Variants in SLC16A12 observed in about 807,000 individuals in gnomAD.
SLC16A12 encodes solute carrier family 16 member 12.
Under a neutral mutation model 42.4 loss-of-function variants are expected in SLC16A12, and 17 were observed. The observed-to-expected ratio is 0.40, with a 90% CI of 0.27 to 0.60. The LOEUF is 0.60. Among genes scored for constraint, SLC16A12 ranks in the 20% least tolerant of loss-of-function variants. The pLI, the probability that SLC16A12 is intolerant of heterozygous loss-of-function variation, is 0.42. For missense variants in SLC16A12, 544 were observed against 623.0 expected (o/e 0.87, Z 1.35); for synonymous variants, 224 against 229.4 (o/e 0.98, Z 0.21).
intron 2 of SLC16A12, among the ~76,000 whole-genome samples, chr10:89,466,086 A>G (rs940957363): frequency 1.3e-5 from 2 of 152,176 alleles, no homozygotes. Context: ...AGTTATATGA[A>G]TTCAAGCAAA....
At chr10:89,463,877 G>T (rs1228026374) in intron 2 of SLC16A12, among the ~76,000 whole-genome samples, 6 of 152,154 alleles carry the variant, frequency 3.9e-5, no homozygotes, top group Non-Finnish European at 8.8e-5. Flanking sequence ...AGGCTCTAAG[G>T]TACCCCTATG....
At chr10:89,469,050 A>G (rs1384101753) in intron 2 of SLC16A12, among the ~76,000 whole-genome samples, 2 of 152,160 alleles carry the variant, frequency 1.3e-5, no homozygotes, top group Non-Finnish European at 2.9e-5. Context: ...AATCACTTGA[A>G]CCCAGAAGAC....
At chr10:89,515,707 G>A (rs1843239820) in intron 2 of SLC16A12, among the ~76,000 whole-genome samples, 1 of 152,046 alleles carries the variant, frequency 6.6e-6, no homozygotes, top group South Asian at 2.1e-4. Context: ...AGAAAACCAG[G>A]CTTGCAAGAG....
chr10:89,545,289 A>G (rs1843736287), intron 2 of SLC16A12, among the ~76,000 whole-genome samples: 1 of 152,222 alleles, frequency 6.6e-6, no homozygotes, highest in African/African-American at 2.4e-5. Context: ...GATGATTGTC[A>G]TGCAGCATTA....
chr10:89,476,066 G>C (rs141623447), intron 2 of SLC16A12, among the ~76,000 whole-genome samples: 1 of 152,102 alleles, frequency 6.6e-6, no homozygotes, highest in African/African-American at 2.4e-5. Context: ...GCATAAAGTC[G>C]GTGCTCAATA....
chr10:89,543,908 A>G (rs1393493589), intron 2 of SLC16A12, among the ~76,000 whole-genome samples: 1 of 152,252 alleles, frequency 6.6e-6, no homozygotes, highest in Non-Finnish European at 1.5e-5. Context: ...ATGTGTCAGC[A>G]GAAAATACAA....
At chr10:89,482,820 A>T in intron 2 of SLC16A12, among the ~76,000 whole-genome samples, 1 of 152,088 alleles carries the variant, frequency 6.6e-6, no homozygotes, top group East Asian at 1.9e-4. Context: ...TAGACCAAGA[A>T]AAAAGAAGAA....
At chr10:89,459,538 A>ATG (rs887171863) in intron 3 of SLC16A12, among the ~76,000 whole-genome samples, 8 of 90,116 alleles carry the variant, frequency 8.9e-5, no homozygotes, top group East Asian at 3.2e-4. Context: ...GTGTGTGTGT[A>ATG]TGTGTGTGTG....
intron 7 of SLC16A12, among the ~76,000 whole-genome samples, chr10:89,433,607 C>T (rs767968511): frequency 2.6e-5 from 4 of 152,064 alleles, no homozygotes; most frequent in South Asian, 2.1e-4. Flanking sequence ...ACTATTAACC[C>T]CATGAAATCT....
At chr10:89,490,419 C>G (rs919123909) in intron 2 of SLC16A12, among the ~76,000 whole-genome samples, 1 of 152,172 alleles carries the variant, frequency 6.6e-6, no homozygotes, top group Non-Finnish European at 1.5e-5. Flanking sequence ...AGATACCAGT[C>G]ACAAGTCTGG....
chr10:89,468,360 T>C (rs1842439538), intron 2 of SLC16A12, among the ~76,000 whole-genome samples: 1 of 152,246 alleles, frequency 6.6e-6, no homozygotes, highest in South Asian at 2.1e-4. Flanking sequence ...TTTCTCTCTT[T>C]CTCAATGGTG....
At chr10:89,443,290 G>T (rs1366172967) in intron 4 of SLC16A12, among the ~76,000 whole-genome samples, 1 of 152,278 alleles carries the variant, frequency 6.6e-6, no homozygotes, top group East Asian at 1.9e-4. Context: ...GGAACAGAAT[G>T]CAATCCAAGA....
chr10:89,459,416 G>C (rs552445682), intron 3 of SLC16A12, among the ~76,000 whole-genome samples: 2 of 151,852 alleles, frequency 1.3e-5, no homozygotes, highest in African/African-American at 4.8e-5. Flanking sequence ...TGTGTGTGTA[G>C]TGTGTATGCA....
intron 2 of SLC16A12, among the ~76,000 whole-genome samples, chr10:89,486,744 A>C (rs1842762051): frequency 6.6e-6 from 1 of 152,054 alleles, no homozygotes; most frequent in South Asian, 2.1e-4. Context: ...ATAAGTAGAA[A>C]TAAGTATAGA....
In SLC16A12 at chr10:89,448,723, TC is replaced by T. The variant is rs528539151; in HGVS notation, c.201-4865del. Among the ~76,000 whole-genome samples, 449 of 152,260 alleles carry T rather than the reference TC, an allele frequency of 2.9e-3. 1 individual carries two copies. Among genetic ancestry groups the T allele is most frequent in the Admixed American group, 3.7e-3 (56 of 15,298 alleles). On this transcript the variant is annotated intron_variant, in intron 3 of 7. Transcript: ENST00000371790. ...AGACAGGGACGCCCTCTCTCACCAC[TC>T]CTATTTAACATAGTGTTGGACGTTC...
At position 89,482,709 on chromosome 10, in the gene SLC16A12, T is replaced by C. The variant is rs557539536; in HGVS notation, c.-46-20085A>G. ...TGAGGTGGGAGGATCCTTGAGCCTG[T>C]GAGGTAGAGGTTGCAATGAGACAAG... On this transcript the variant is annotated intron_variant, in intron 2 of 7. Transcript: ENST00000371790. 3.3e-5 allele frequency among the ~76,000 whole-genome samples: 5 copies of C among 150,342 alleles called. No individual in the cohort carries two copies. In the South Asian group the frequency reaches 1.0e-3, roughly 32 times the overall value.
intron 2 of SLC16A12, among the ~76,000 whole-genome samples, chr10:89,485,273 C>A (rs542999967): frequency 9.1e-4 from 138 of 152,288 alleles, no homozygotes; most frequent in Middle Eastern, 3.4e-3. Flanking sequence ...TCCTGAAAAA[C>A]AAAAGCAATT....
At chr10:89,517,197 C>T (rs1356905754) in intron 2 of SLC16A12, among the ~76,000 whole-genome samples, 2 of 152,078 alleles carry the variant, frequency 1.3e-5, no homozygotes, top group South Asian at 2.1e-4. Flanking sequence ...TGTACTCCAG[C>T]GTGGGTGACA....
At chr10:89,484,394 T>C (rs565644955) in intron 2 of SLC16A12, among the ~76,000 whole-genome samples, 5 of 152,300 alleles carry the variant, frequency 3.3e-5, no homozygotes, top group Non-Finnish European at 7.4e-5. Context: ...CTGCTCTCCA[T>C]ACCATAACAA....
Sources: allele counts gnomAD v4.1 joint callset (sites outside exome capture counted in the v4.1 genomes callset), GRCh38; gene constraint gnomAD v4.1.1; transcripts MANE v1.5; gene names NCBI Gene and HGNC (gene_info 2026-07-23, HGNC 2026-07-21).